Variants in TBC1D3B observed in about 807,000 individuals in gnomAD.
TBC1D3B encodes the protein TBC1 domain family member 3B.
A neutral mutation model predicts 27.1 loss-of-function variants in TBC1D3B; 2 were observed. The observed-to-expected ratio is 0.07, with a 90% CI of 0.03 to 0.23. The LOEUF is 0.23. Ranked by LOEUF, TBC1D3B falls within the 10% of genes least tolerant of loss-of-function variation. The pLI, the probability that TBC1D3B is intolerant of heterozygous loss-of-function variation, is 1.00. For synonymous variants in TBC1D3B, 3 were observed against 150.1 expected (o/e 0.02, Z 7.16); for missense variants, 17 against 401.3 (o/e 0.04, Z 8.18).
chr17:36,165,749 G>C lies in TBC1D3B; in HGVS notation c.*246C>G. The C allele has an allele frequency of 1.1e-6, 1 of 938,808 alleles. No homozygotes were observed. The highest frequency in any genetic ancestry group is 1.6e-6 in the Non-Finnish European group (1 of 615,922). The allele number at this position is 938,808 out of a possible 1,614,324, so 58.2% of individuals were successfully genotyped here. On this transcript the variant is annotated 3_prime_UTR_variant, in exon 14 of 14. Transcript: ENST00000611257. The stretch of plus-strand genomic sequence containing the variant: ...TCCTTCCATGAGTTTAAAGTACAAA[G>C]GCAGGCTCACGGTGTCGTCAGAATT...
At chr17:36,169,615 T>G (rs1243173489) in intron 9 of TBC1D3B, among the ~76,000 whole-genome samples, 1 of 134,746 alleles carries the variant, frequency 7.4e-6, no homozygotes, top group Non-Finnish European at 1.8e-5. Flanking sequence ...GAGAGTCAGC[T>G]GCACAGAATC....
intron 11 of TBC1D3B, 45 bp from the exon 12 acceptor site, chr17:36,168,211 G>C: frequency 4.5e-6 from 1 of 223,086 alleles, no homozygotes; most frequent in Non-Finnish European, 9.0e-6. Context: ...TTCCAGGCTG[G>C]GGCTGGTGGC....
chr17:36,171,344 G>T (rs2068350805), intron 7 of TBC1D3B, among the ~76,000 whole-genome samples: 1 of 151,192 alleles, frequency 6.6e-6, no homozygotes, highest in African/African-American at 2.4e-5. Flanking sequence ...AAATCAGTGG[G>T]TTCAATATCT....
Position 36,165,780 on chromosome 17 carries a change from C to G in TBC1D3B, c.*215G>C, listed in dbSNP as rs1289071579. On this transcript the variant is annotated 3_prime_UTR_variant, in exon 14 of 14. Coordinates refer to ENST00000611257, the MANE Select transcript of TBC1D3B (RefSeq NM_001001417.7). Reference sequence around the variant, plus strand: ...CTCACGGTGTCGTCAGAATTCAGAACGATGGTCGTGGGGCTTGGGGTGCTG... The same window carrying G: ...CTCACGGTGTCGTCAGAATTCAGAAGGATGGTCGTGGGGCTTGGGGTGCTG... 1.1e-4 allele frequency: 102 copies of G among 929,272 alleles called. No homozygotes were observed. In the South Asian group the frequency reaches 1.6e-3, roughly 14 times the overall value. 57.6% of individuals were successfully genotyped at this position (929,272 alleles called of 1,614,324 possible).
chr17:36,169,403 G>T (rs1426280627), intron 9 of TBC1D3B, among the ~76,000 whole-genome samples: 2 of 149,244 alleles, frequency 1.3e-5, no homozygotes, highest in East Asian at 3.9e-4. Flanking sequence ...GTGCAAAAAG[G>T]GCAAGCCTGA....
chr17:36,171,240 C>A (rs1054104445), intron 7 of TBC1D3B, among the ~76,000 whole-genome samples: 33 of 150,490 alleles, frequency 2.2e-4, no homozygotes, highest in African/African-American at 7.7e-4. Context: ...TCCCCATTCC[C>A]GTGTTGAAGG....
At chr17:36,171,218 C>T (rs1483794272) in intron 7 of TBC1D3B, among the ~76,000 whole-genome samples, 1 of 150,196 alleles carries the variant, frequency 6.7e-6, no homozygotes, top group African/African-American at 2.4e-5. Context: ...GAAGGGAGGA[C>T]CAGCCTTGCT....
At chr17:36,171,240 C>T (rs1054104445) in intron 7 of TBC1D3B, among the ~76,000 whole-genome samples, 7 of 150,464 alleles carry the variant, frequency 4.7e-5, no homozygotes, top group Admixed American at 2.0e-4. Flanking sequence ...TCCCCATTCC[C>T]GTGTTGAAGG....
At chr17:36,171,116 G>A (rs1257247384) in intron 7 of TBC1D3B, among the ~76,000 whole-genome samples, 26 of 145,508 alleles carry the variant, frequency 1.8e-4, no homozygotes, top group South Asian at 1.5e-3. Flanking sequence ...ATTGGGTCTG[G>A]CTTCTGTCCC....
At chr17:36,169,488 G>C (rs1317012696) in intron 9 of TBC1D3B, among the ~76,000 whole-genome samples, 1 of 150,046 alleles carries the variant, frequency 6.7e-6, no homozygotes, top group Admixed American at 6.6e-5. Context: ...AGTGGGGTCG[G>C]GCCAGGGGAA....
intron 13 of TBC1D3B, among the ~76,000 whole-genome samples, 182 bp downstream of exon 13, chr17:36,167,362 C>T (rs1326058961): frequency 3.6e-4 from 16 of 44,490 alleles, no homozygotes; most frequent in African/African-American, 6.7e-4. Context: ...CCAGTATACA[C>T]GCACTGAGCG....
chr17:36,175,842 A>G (rs2068416258), intron 1 of TBC1D3B, among the ~76,000 whole-genome samples: 2 of 126,742 alleles, frequency 1.6e-5, no homozygotes. Context: ...AGAGCAAGAA[A>G]TACCTGGGGA....
rs1195224948 is a variant in TBC1D3B at position 36,167,009 on chromosome 17, G to A, written c.1082-446C>T. Among the ~76,000 whole-genome samples the A allele has an allele frequency of 5.2e-5, 5 of 95,518 alleles. No individual in the cohort carries two copies. In the East Asian group the frequency reaches 9.0e-4, roughly 17 times the overall value. The allele number at this position is 95,518 out of a possible 152,430, so 62.7% of individuals were successfully genotyped here. ...TGCCCAGTCCATGCCAGGACTGACC[G>A]TTCCCACTTCTGGCTGAACTCTTGG... is the stretch of plus-strand genomic sequence containing the variant. On this transcript the variant is annotated intron_variant, in intron 13 of 13. Transcript: ENST00000611257.
At chr17:36,169,369 C>T (rs2068312689) in intron 9 of TBC1D3B, among the ~76,000 whole-genome samples, 195 bp from the exon 10 acceptor site, 1 of 149,270 alleles carries the variant, frequency 6.7e-6, no homozygotes, top group African/African-American at 2.4e-5. Context: ...GCTGGAGGTT[C>T]CCCTGGAGGC....
At chr17:36,169,347 C>T (rs1430607654) in intron 9 of TBC1D3B, among the ~76,000 whole-genome samples, 173 bp from the exon 10 acceptor site, 1 of 149,630 alleles carries the variant, frequency 6.7e-6, no homozygotes, top group Non-Finnish European at 1.5e-5. Context: ...CGGGAACATT[C>T]CCTGGAGCCT....
Position 36,169,472 on chromosome 17 carries a change from C to T in TBC1D3B, c.668-298G>A, listed in dbSNP as rs1329743565. On this transcript the variant is annotated intron_variant, in intron 9 of 13. Transcript: ENST00000611257. ...TGGGCGCTGGGCTTCCCGGTCATCTCCTGGTAGTGGGGTCGGGCCAGGGGA... is the reference window on the plus strand; with the variant it reads ...TGGGCGCTGGGCTTCCCGGTCATCTTCTGGTAGTGGGGTCGGGCCAGGGGA... Among the ~76,000 whole-genome samples the T allele has an allele frequency of 1.1e-4, 17 of 149,972 alleles. No homozygotes were observed. The East Asian group carries it at 2.5e-3, about 22-fold the overall frequency.
At chr17:36,171,526 T>TG (rs2068356114) in intron 7 of TBC1D3B, among the ~76,000 whole-genome samples, 1 of 151,278 alleles carries the variant, frequency 6.6e-6, no homozygotes, top group African/African-American at 2.4e-5. Context: ...GGGGGGCTCA[T>TG]GGGCCCTCTA....
At position 36,169,267 on chromosome 17, in the gene TBC1D3B, A is replaced by T; in HGVS notation, c.668-93T>A. On this transcript the variant is annotated intron_variant, in intron 9 of 13. Transcript: ENST00000611257. ...AGCTGGGCAGCTGGAGAGGCCCCCAAACCCCAAGGCTACTCCCACCCTCCC... is the reference window on the plus strand; with the variant it reads ...AGCTGGGCAGCTGGAGAGGCCCCCATACCCCAAGGCTACTCCCACCCTCCC... The T allele has an allele frequency of 1.9e-6, 3 of 1,567,240 alleles. 1 individual carries two copies. Among genetic ancestry groups the T allele is most frequent in the Non-Finnish European group, 2.6e-6 (3 of 1,140,068 alleles).
intron 9 of TBC1D3B, among the ~76,000 whole-genome samples, chr17:36,169,452 G>A (rs1198006826): frequency 2.7e-5 from 4 of 149,806 alleles, no homozygotes; most frequent in South Asian, 2.1e-4. Flanking sequence ...CTGGGTGGGC[G>A]CTGGGCTTCC....
Sources: gnomAD v4.1 joint callset for allele counts (sites outside exome capture counted in the v4.1 genomes callset) on GRCh38, gnomAD v4.1.1 for gene constraint, MANE v1.5 for transcripts, NCBI Gene and HGNC (gene_info 2026-07-23, HGNC 2026-07-21) for gene names.